The following PTPRM variants were observed in gnomAD, a reference collection of about 807,000 sequenced individuals.
PTPRM encodes the protein protein tyrosine phosphatase receptor type M.
A neutral mutation model predicts 186.7 loss-of-function variants in PTPRM; 47 were observed. The observed-to-expected ratio is 0.25, with a 90% confidence interval of 0.20 to 0.32. PTPRM has a LOEUF of 0.32. Among genes scored for constraint, PTPRM ranks in the 10% least tolerant of loss-of-function variants. The pLI is 1.00. For synonymous variants in PTPRM, 668 were observed against 674.9 expected (o/e 0.99, Z 0.16); for missense variants, 1,494 against 1,865.0 (o/e 0.80, Z 3.66).
chr18:7,772,375 CTT>C (rs1207657082), intron 1 of PTPRM, among the ~76,000 whole-genome samples: 4 of 118,072 alleles, frequency 3.4e-5, no homozygotes, highest in African/African-American at 9.6e-5. Flanking sequence ...TTCTTTCTTT[CTT>C]TCTTTCTTTC....
At chr18:8,106,575 C>G (rs1163048608) in intron 11 of PTPRM, among the ~76,000 whole-genome samples, 1 of 152,190 alleles carries the variant, frequency 6.6e-6, no homozygotes, top group Non-Finnish European at 1.5e-5. Flanking sequence ...GTATTTCTGA[C>G]ACTCTTAGCC....
chr18:7,828,612 G>A (rs915462125), intron 2 of PTPRM, among the ~76,000 whole-genome samples: 5 of 152,276 alleles, frequency 3.3e-5, no homozygotes, highest in Non-Finnish European at 4.4e-5. Context: ...GTGAAACTGC[G>A]TTGAGAGTGG....
At chr18:7,875,589 G>T (rs1012996210) in intron 2 of PTPRM, among the ~76,000 whole-genome samples, 1 of 152,160 alleles carries the variant, frequency 6.6e-6, no homozygotes. Context: ...TTCCCAAAGT[G>T]CTGGGATTAC....
At chr18:8,129,579 T>C (rs2092453258) in intron 13 of PTPRM, among the ~76,000 whole-genome samples, 1 of 152,252 alleles carries the variant, frequency 6.6e-6, no homozygotes, top group African/African-American at 2.4e-5. Context: ...TGTACTGCTG[T>C]GTGATTAACG....
chr18:7,854,433 G>T lies in PTPRM; in HGVS notation c.197-33673G>T, dbSNP rs571749092. 3.3e-5 allele frequency among the ~76,000 whole-genome samples: 5 copies of T among 152,218 alleles called. No individual in the cohort carries two copies. The South Asian group carries it at 1.0e-3, about 32-fold the overall frequency. On this transcript the variant is annotated intron_variant, in intron 2 of 32. Coordinates refer to ENST00000580170, the MANE Select transcript of PTPRM (RefSeq NM_001105244.2). ...ATTTTCTATGTAAAATCTTGACAGG[G>T]ATTGTCAGAAAAATTTAGTGTGGAA...
chr18:7,706,050 T>TATAC (rs1277719491), intron 1 of PTPRM, among the ~76,000 whole-genome samples: 1 of 149,112 alleles, frequency 6.7e-6, no homozygotes, highest in African/African-American at 2.4e-5. Flanking sequence ...TGTGTGTGTA[T>TATAC]ATACATATAT....
At chr18:7,833,569 A>T (rs1365100903) in intron 2 of PTPRM, among the ~76,000 whole-genome samples, 2 of 152,080 alleles carry the variant, frequency 1.3e-5, no homozygotes. Context: ...CTCTGTCTCT[A>T]CTAAAAATAC....
chr18:8,354,806 G>T (rs879410363), intron 23 of PTPRM, among the ~76,000 whole-genome samples: 19 of 152,198 alleles, frequency 1.2e-4, no homozygotes, highest in Non-Finnish European at 5.9e-5. Context: ...AGCAGCAGTA[G>T]AACAGTGGCT....
chr18:7,665,998 G>A (rs1026184901), intron 1 of PTPRM, among the ~76,000 whole-genome samples: 1 of 152,070 alleles, frequency 6.6e-6, no homozygotes, highest in African/African-American at 2.4e-5. Flanking sequence ...CAAACAGTAA[G>A]ATAAATTGAC....
chr18:8,113,946 C>CTTTTTTTTTTTT (rs35576891), intron 12 of PTPRM, among the ~76,000 whole-genome samples, 187 bp downstream of exon 12: 1 of 146,688 alleles, frequency 6.8e-6, no homozygotes, highest in Non-Finnish European at 1.5e-5. Flanking sequence ...ATATACTCAT[C>CTTTTTTTTTTTT]TTTTTTTTTT....
chr18:8,088,888 G>T, intron 11 of PTPRM, 37 bp downstream of exon 11: 1 of 1,462,806 alleles, frequency 6.8e-7, no homozygotes, highest in South Asian at 1.2e-5. Context: ...CTAGATAGAA[G>T]AAAACTAAAT....
At chr18:7,853,566 C>T (rs1242659579) in intron 2 of PTPRM, among the ~76,000 whole-genome samples, 1 of 152,178 alleles carries the variant, frequency 6.6e-6, no homozygotes, top group African/African-American at 2.4e-5. Context: ...TTCACTCATG[C>T]ATCAAAAATG....
intron 14 of PTPRM, among the ~76,000 whole-genome samples, chr18:8,176,551 A>C (rs1317187093): frequency 6.6e-6 from 1 of 152,228 alleles, no homozygotes; most frequent in Non-Finnish European, 1.5e-5. Context: ...TCAACTATTA[A>C]GCTTAACCCA....
At chr18:7,742,998 A>G (rs986567010) in intron 1 of PTPRM, among the ~76,000 whole-genome samples, 1 of 152,240 alleles carries the variant, frequency 6.6e-6, no homozygotes. Flanking sequence ...CTGTGAAAGA[A>G]GCAATCATAT....
intron 1 of PTPRM, among the ~76,000 whole-genome samples, chr18:7,728,925 C>CTTTTT (rs113386099): frequency 7.2e-6 from 1 of 138,614 alleles, no homozygotes; most frequent in African/African-American, 2.7e-5. Flanking sequence ...TTCCTCCAAC[C>CTTTTT]TTTTTTTTTT....
In PTPRM at chr18:8,380,383, C is replaced by T. The variant is rs776926312; in HGVS notation, c.3874C>T (p.His1292Tyr). 6.2e-7 allele frequency: 1 copy of T among 1,614,214 alleles called. No homozygotes were observed. Among genetic ancestry groups the T allele is most frequent in the Non-Finnish European group, 8.5e-7 (1 of 1,180,036 alleles). ...KDFWRLVLDY[H>Y]CTSVVMLNDV... ...CTTTTGGAGACTGGTCCTGGATTAT[C>T]ACTGCACATCCGTAGTTATGCTAAA... is the stretch of plus-strand genomic sequence containing the variant. Residue 1292 changes from histidine to tyrosine, a missense_variant, in exon 29 of 33, where the codon CAC becomes TAC. Transcript: ENST00000580170.
chr18:7,689,214 G>A (rs1380037085), intron 1 of PTPRM, among the ~76,000 whole-genome samples: 3 of 152,200 alleles, frequency 2.0e-5, no homozygotes, highest in Non-Finnish European at 4.4e-5. Context: ...AAAAAAGTTT[G>A]TATCAATCAA....
intron 4 of PTPRM, among the ~76,000 whole-genome samples, chr18:7,913,714 A>G (rs537312079): frequency 6.6e-6 from 1 of 152,296 alleles, no homozygotes; most frequent in South Asian, 2.1e-4. Context: ...TGTAGTAATG[A>G]AACATTATAC....
intron 5 of PTPRM, among the ~76,000 whole-genome samples, chr18:7,929,215 G>A (rs530720044): frequency 2.6e-5 from 4 of 152,226 alleles, no homozygotes; most frequent in African/African-American, 9.6e-5. Context: ...AAGAAAGAAG[G>A]CAGACATAAC....
Sources: gnomAD v4.1 joint callset for allele counts (sites outside exome capture counted in the v4.1 genomes callset) on GRCh38, gnomAD v4.1.1 for gene constraint, MANE v1.5 for transcripts, NCBI Gene and HGNC (gene_info 2026-07-23, HGNC 2026-07-21) for gene names.